The following ARMC5 variants were observed in gnomAD, a reference collection of about 807,000 sequenced individuals.
The protein encoded by ARMC5 is armadillo repeat containing 5, also known as armadillo repeat-containing protein 5.
ARMC5 carries 28 observed loss-of-function variants against 60.5 expected under a neutral mutation model. The observed-to-expected ratio is 0.46, with a 90% CI of 0.34 to 0.63. The LOEUF is 0.63. Ranked by LOEUF, ARMC5 falls within the 30% of genes least tolerant of loss-of-function variation. The probability of loss-of-function intolerance (pLI) is 0.01; values close to 1 mark genes in which losing one functional copy is unlikely to be tolerated. For missense variants in ARMC5, 1,189 were observed against 1,304.9 expected (o/e 0.91, Z 1.37); for synonymous variants, 680 against 607.3 (o/e 1.12, Z -1.76).
upstream of ARMC5, chr16:31,459,499 G>C: frequency 1.9e-6 from 3 of 1,588,606 alleles, no homozygotes; most frequent in Non-Finnish European, 2.6e-6. Context: ...GCGAGAAGCG[G>C]GGCGGAGTCT....
chr16:31,465,902 T>C lies in ARMC5; in HGVS notation c.1917T>C (p.Val639=). 6.2e-7 allele frequency: 1 copy of C among 1,609,146 alleles called. No homozygotes were observed. Reference sequence around the variant, plus strand: ...TTCAGGCTGAGTCGCCCTTTGGGGTTGGGGCCCTGACGCACCTGCTGCTCT... The same window carrying C: ...TTCAGGCTGAGTCGCCCTTTGGGGTCGGGGCCCTGACGCACCTGCTGCTCT... ...LTVQAESPFG[V]GALTHLLLSG... Residue 639 remains valine (V), a synonymous_variant, in exon 5 of 6, where the codon GTT becomes GTC. Transcript: ENST00000268314.
At position 31,465,609 on chromosome 16, in the gene ARMC5, C is replaced by T. The variant is rs1416001532; in HGVS notation, c.1865-241C>T. Reference sequence around the variant, plus strand: ...TCGTGTCCTCCGTCTCTTGCCTCGGCGCCTGGGTGGCTTGCCGCCCACACT... The same window carrying T: ...TCGTGTCCTCCGTCTCTTGCCTCGGTGCCTGGGTGGCTTGCCGCCCACACT... On this transcript the variant is annotated intron_variant, in intron 4 of 5. Coordinates refer to ENST00000268314, the MANE Select transcript of ARMC5 (RefSeq NM_001105247.2). The T allele has an allele frequency of 3.0e-5, 42 of 1,397,226 alleles. 1 individual carries two copies. Among genetic ancestry groups the T allele is most frequent in the African/African-American group, 1.9e-4 (13 of 68,794 alleles). 86.6% of individuals were successfully genotyped at this position (1,397,226 alleles called of 1,614,324 possible). A position where few individuals can be genotyped will look rare whatever the true frequency, so the allele number is the denominator to read the frequency against.
Position 31,462,367 on chromosome 16 carries a change from G to A in ARMC5, c.820G>A (p.Ala274Thr), listed in dbSNP as rs890612318. The change falls in exon 3 of 6, where the codon GCT (alanine) becomes ACT (threonine). Residue 274 changes from alanine to threonine, a missense_variant. By Grantham distance (58) the Ala-to-Thr change is moderately conservative. Coordinates refer to ENST00000268314, the MANE Select transcript of ARMC5 (RefSeq NM_001105247.2). This position sits in a 1 kb window ranked among gnomAD's most constrained non-coding sequence, Gnocchi z 7.2. ...ELSRGCSRACAEQLSLGGGLG... is the reference protein window; with the variant it reads ...ELSRGCSRACTEQLSLGGGLG... ...CAGCCGAGGCTGCTCCCGGGCCTGT[G>A]CTGAGCAGCTAAGTCTGGGTGGGGG... 1 of 1,610,060 alleles carries A rather than the reference G, an allele frequency of 6.2e-7. No homozygotes were observed.
Position 31,464,576 on chromosome 16 carries a change from C to A in ARMC5, c.1553C>A (p.Pro518His), listed in dbSNP as rs1305723915. The change falls in exon 4 of 6, where the codon CCT (proline) becomes CAT (histidine). Residue 518 changes from proline to histidine, a missense_variant. Pro to His is a moderately conservative substitution (Grantham distance 77). This residue lies in a region of ARMC5 where 862 missense variants were observed against 1,071.2 expected (regional missense o/e 0.80). Transcript: ENST00000268314. This position sits in a 1 kb window ranked among gnomAD's most constrained non-coding sequence, Gnocchi z 7.6. ...AGCCCCGCCGCCGCCATCGAGGAGC[C>A]TTGGGGACGCGAAGGGCCAGCCCTG... ...GRSPAAAIEE[P>H]WGREGPALLL... 1 of 1,584,158 alleles carries A rather than the reference C, an allele frequency of 6.3e-7. No individual in the cohort carries two copies. Among genetic ancestry groups the A allele is most frequent in the Non-Finnish European group, 8.6e-7 (1 of 1,168,920 alleles).
chr16:31,459,292 C>T (rs1412942784), upstream of ARMC5: 1 of 1,534,594 alleles, frequency 6.5e-7, no homozygotes, highest in African/African-American at 1.4e-5. Context: ...ACGCGGACCA[C>T]ATCTCCCTCA....
At chr16:31,465,333 TTCTGCTGGCCCTG>T in intron 4 of ARMC5, 9 of 1,414,790 alleles carry the variant, frequency 6.4e-6, no homozygotes, top group Non-Finnish European at 8.3e-6. Flanking sequence ...CAAGGAGCCC[TTCTGCTGGCCCTG>T]TCCGGGCATA....
Position 31,459,812 on chromosome 16 carries a change from C to A in ARMC5, c.288C>A (p.Ala96=), listed in dbSNP as rs562540127. The change falls in exon 1 of 6, where the codon GCC becomes GCA. Residue 96 remains alanine, a synonymous_variant. Transcript: ENST00000268314. ...GCCCCGGCTCCGCCCCCTCGTCGGC[C>A]GCGTCGGGAGCTTCTAGCCCCGCCC... ...QAGPGSAPSS[A]ASGASSPAPA... The A allele has an allele frequency of 1.3e-6, 2 of 1,543,962 alleles. No homozygotes were observed. The highest frequency in any genetic ancestry group is 2.4e-5 in the East Asian group (1 of 41,076).
In ARMC5 at chr16:31,466,781, G is replaced by A; in HGVS notation, c.2700G>A (p.Leu900=). ...GSEQCPRKRG[L]ALVGLVEAAG... The stretch of plus-strand genomic sequence containing the variant: ...AGCAGTGCCCGAGGAAGCGGGGTCT[G>A]GCCCTGGTGGGGCTTGTGGAGGCAG... Residue 900 remains leucine (L), a synonymous_variant, in exon 6 of 6, where the codon CTG becomes CTA. Coordinates refer to ENST00000268314, the MANE Select transcript of ARMC5 (RefSeq NM_001105247.2). This position sits in a 1 kb window ranked among gnomAD's most constrained non-coding sequence, Gnocchi z 8.0. 1 of 1,583,054 alleles carries A rather than the reference G, an allele frequency of 6.3e-7. No homozygotes were observed.
At position 31,466,847 on chromosome 16, in the gene ARMC5, T is replaced by G. The variant is rs1048440765; in HGVS notation, c.2766T>G (p.Ala922=). Residue 922 remains alanine, a synonymous_variant, in exon 6 of 6, where the codon GCT becomes GCG. Coordinates refer to ENST00000268314, the MANE Select transcript of ARMC5 (RefSeq NM_001105247.2). The surrounding 1 kb of genome is among the most constrained non-coding windows in gnomAD (Gnocchi z 8.0). ...GGCCCCTGACGGAGGCTTTGCTGGC[T>G]GTGGTGATGGGGATTGAGTTGGGGG... The part of the protein sequence containing the change: ...EAGPLTEALL[A]VVMGIELGAR... 1 of 1,591,812 alleles carries G rather than the reference T, an allele frequency of 6.3e-7. No individual in the cohort carries two copies.
chr16:31,465,397 A>G (rs751571883), intron 4 of ARMC5: 43 of 1,218,292 alleles, frequency 3.5e-5, no homozygotes, highest in Non-Finnish European at 4.4e-5. Flanking sequence ...ACACCTCACT[A>G]TGTCCCCTCA....
Position 31,466,827 on chromosome 16 carries a change from C to T in ARMC5, c.2746C>T (p.Leu916=). 6.3e-7 allele frequency: 1 copy of T among 1,594,726 alleles called. No individual in the cohort carries two copies. The highest frequency in any genetic ancestry group is 2.2e-5 in the East Asian group (1 of 44,768). The change falls in exon 6 of 6, where the codon CTG becomes TTG. Residue 916 remains leucine, a synonymous_variant. Coordinates refer to ENST00000268314, the MANE Select transcript of ARMC5 (RefSeq NM_001105247.2). The surrounding 1 kb of genome is among the most constrained non-coding windows in gnomAD (Gnocchi z 8.0). ...GGCAGCAGGTGAAGAGGCAGGGCCC[C>T]TGACGGAGGCTTTGCTGGCTGTGGT... is the stretch of plus-strand genomic sequence containing the variant. ...VEAAGEEAGP[L]TEALLAVVMG... is the part of the protein sequence containing the mutation.
At chr16:31,463,885 G>T (rs1033019739) in intron 3 of ARMC5, among the ~76,000 whole-genome samples, 5 of 152,142 alleles carry the variant, frequency 3.3e-5, no homozygotes, top group African/African-American at 9.7e-5. Flanking sequence ...AGAACGGCTT[G>T]GCACGTGACA....
chr16:31,466,439 G>T lies in ARMC5; in HGVS notation c.2358G>T (p.Gln786His). 6.2e-7 allele frequency: 1 copy of T among 1,611,970 alleles called. No individual in the cohort carries two copies. ...ALLSGSFAEA[Q>H]MDLVPLRGLS... ...TGTCAGGCAGCTTTGCAGAAGCCCA[G>T]ATGGACCTGGTGCCCCTGCGAGGTC... Residue 786 changes from glutamine (Q) to histidine (H), a missense_variant, in exon 6 of 6, where the codon CAG (glutamine) becomes CAT (histidine). Around this residue, in one of 2 missense-constraint regions of ARMC5, gnomAD observed 862 missense variants for 1,071.2 expected, o/e 0.80. Coordinates refer to ENST00000268314, the MANE Select transcript of ARMC5 (RefSeq NM_001105247.2). This position sits in a 1 kb window ranked among gnomAD's most constrained non-coding sequence, Gnocchi z 8.0.
chr16:31,461,747 AC>A (rs2142567055), intron 1 of ARMC5, among the ~76,000 whole-genome samples, 174 bp from the exon 2 acceptor site: 1 of 152,166 alleles, frequency 6.6e-6, no homozygotes, highest in South Asian at 2.1e-4. Flanking sequence ...ACCTCAAGTG[AC>A]CCACCCACCT....
chr16:31,462,450 C>T lies in ARMC5; in HGVS notation c.903C>T (p.Thr301=), dbSNP rs764711565. The T allele has an allele frequency of 2.5e-6, 4 of 1,612,706 alleles. No individual in the cohort carries two copies. The highest frequency in any genetic ancestry group is 3.4e-6 in the Non-Finnish European group (4 of 1,179,608). ...SHPKRAVREG[T]ILILANLCAQ... Reference sequence around the variant, plus strand: ...CCAAGCGGGCAGTACGCGAGGGAACCATTCTGATCCTCGCCAACCTGTGTG... The same window carrying T: ...CCAAGCGGGCAGTACGCGAGGGAACTATTCTGATCCTCGCCAACCTGTGTG... Residue 301 remains threonine, a synonymous_variant, in exon 3 of 6, where the codon ACC becomes ACT. Transcript: ENST00000268314. The surrounding 1 kb of genome is among the most constrained non-coding windows in gnomAD (Gnocchi z 7.2).
upstream of ARMC5, chr16:31,458,613 C>T (rs1010359398): frequency 2.1e-6 from 3 of 1,446,840 alleles, no homozygotes; most frequent in Admixed American, 2.1e-5. Context: ...TAGACGGTTG[C>T]TCTTGGCAAA....
chr16:31,462,792 C>A lies in ARMC5; in HGVS notation c.1245C>A (p.Leu415=). The A allele has an allele frequency of 1.2e-6, 2 of 1,614,000 alleles. No individual in the cohort carries two copies. The highest frequency in any genetic ancestry group is 1.7e-6 in the Non-Finnish European group (2 of 1,180,032). The stretch of plus-strand genomic sequence containing the variant: ...TGCAGGCTCTGGGACTTGTGCCTCT[C>A]CTGGCTGGGCAGCTGTGTGGTGAGG... The part of the protein sequence containing the change: ...GRLQALGLVP[L]LAGQLCGEAG... The change falls in exon 3 of 6, where the codon CTC becomes CTA. Residue 415 remains leucine, a synonymous_variant. Coordinates refer to ENST00000268314, the MANE Select transcript of ARMC5 (RefSeq NM_001105247.2). This position sits in a 1 kb window ranked among gnomAD's most constrained non-coding sequence, Gnocchi z 7.2.
At chr16:31,461,512 C>T (rs2082303320) in intron 1 of ARMC5, among the ~76,000 whole-genome samples, 1 of 152,094 alleles carries the variant, frequency 6.6e-6, no homozygotes, top group Non-Finnish European at 1.5e-5. Flanking sequence ...TAGCCTCTTT[C>T]TTTTTATTTT....
intron 1 of ARMC5, among the ~76,000 whole-genome samples, chr16:31,461,166 C>T (rs2082300577): frequency 6.6e-6 from 1 of 152,178 alleles, no homozygotes; most frequent in African/African-American, 2.4e-5. Context: ...ATGCCAGTAG[C>T]TGGGTTGGTT....
Sources: allele counts gnomAD v4.1 joint callset (sites outside exome capture counted in the v4.1 genomes callset), GRCh38; gene constraint gnomAD v4.1.1; regional missense constraint gnomAD v4.1.1; non-coding constraint Gnocchi (gnomAD v3.1); transcripts MANE v1.5; gene names NCBI Gene and HGNC (gene_info 2026-07-23, HGNC 2026-07-21).